SERPINA6: variants seen among roughly 807,000 people sequenced by gnomAD.
The protein encoded by SERPINA6 is serpin family A member 6.
A neutral mutation model predicts 26.4 loss-of-function variants in SERPINA6; 19 were observed. The ratio of observed to expected loss-of-function variants is 0.72; its 90% CI spans 0.50 to 1.06. The LOEUF (loss-of-function observed/expected upper bound fraction) is 1.06. Among genes scored for constraint, SERPINA6 ranks in the 50% least tolerant of loss-of-function variants. The pLI, the probability that SERPINA6 is intolerant of heterozygous loss-of-function variation, is 0.00. For synonymous variants in SERPINA6, 196 were observed against 199.4 expected, an observed-to-expected ratio of 0.98 and a Z score of 0.14; for missense variants, 473 against 504.0, an observed-to-expected ratio of 0.94 and a Z score of 0.59.
intron 1 of SERPINA6, among the ~76,000 whole-genome samples, chr14:94,322,891 T>C (rs1044339169): frequency 4.6e-5 from 7 of 152,228 alleles, no homozygotes; most frequent in Non-Finnish European, 8.8e-5. Context: ...TCATCGGTGG[T>C]GCCGACTGGA....
chr14:94,309,792 G>C lies in SERPINA6; in HGVS notation c.828C>G (p.Val276=). Residue 276 remains valine, a synonymous_variant, in exon 3 of 5, where the codon GTC becomes GTG. Transcript: ENST00000341584. ...TCGTGTCCCGGCTCAGTGCAGCGAT[G>C]ACTGTGTTCATCTTCCCCTTGTCCG... ...ILPDKGKMNT[V]IAALSRDTIN... 1.2e-6 allele frequency: 2 copies of C among 1,614,198 alleles called. No homozygotes were observed. Among genetic ancestry groups the C allele is most frequent in the Non-Finnish European group, 1.7e-6 (2 of 1,180,040 alleles).
chr14:94,314,748 G>T (rs1895589496), intron 1 of SERPINA6, 81 bp from the exon 2 acceptor site: 2 of 1,377,700 alleles, frequency 1.5e-6, no homozygotes, highest in East Asian at 2.3e-5. Flanking sequence ...GCAGGCAAAA[G>T]ACCCCATTCA....
At chr14:94,311,273 C>T (rs1263729903) in intron 2 of SERPINA6, among the ~76,000 whole-genome samples, 1 of 152,148 alleles carries the variant, frequency 6.6e-6, no homozygotes, top group African/African-American at 2.4e-5. Context: ...AATCATCCTC[C>T]AAAGGAGGTC....
chr14:94,317,960 A>G (rs1292887731), intron 1 of SERPINA6, among the ~76,000 whole-genome samples: 1 of 152,242 alleles, frequency 6.6e-6, no homozygotes, highest in African/African-American at 2.4e-5. Flanking sequence ...TAAAAATTCT[A>G]TAGAACTCAT....
At position 94,304,524 on chromosome 14, in the gene SERPINA6, G is replaced by A. The variant is rs201893200; in HGVS notation, c.1112C>T (p.Thr371Met). The A allele has an allele frequency of 1.7e-5, 28 of 1,614,170 alleles. No individual in the cohort carries two copies. The Middle Eastern group carries it at 4.9e-4, about 29-fold the overall frequency. Residue 371 changes from threonine to methionine, a missense_variant, in exon 5 of 5, where the codon ACG (threonine) becomes ATG (methionine). Thr to Met is a moderately conservative substitution (Grantham distance 81). Coordinates refer to ENST00000341584, the MANE Select transcript of SERPINA6 (RefSeq NM_001756.4). ...AGSTGVTLNL[T>M]SKPIILRFNQ... is the part of the protein sequence containing the mutation. Reference sequence around the variant, plus strand: ...GAAACGCAAGATGATAGGCTTGGACGTCAGGTTTAGGGTGACCCCAGTGGA... The same window carrying A: ...GAAACGCAAGATGATAGGCTTGGACATCAGGTTTAGGGTGACCCCAGTGGA...
intron 1 of SERPINA6, among the ~76,000 whole-genome samples, chr14:94,320,231 G>C (rs1895666057): frequency 6.6e-6 from 1 of 152,142 alleles, no homozygotes; most frequent in African/African-American, 2.4e-5. Context: ...TGCTCCAGGA[G>C]GTTGTGTTGT....
Position 94,311,223 on chromosome 14 carries a change from C to T in SERPINA6, c.614-1217G>A, listed in dbSNP as rs757077579. On this transcript the variant is annotated intron_variant, in intron 2 of 4. Coordinates refer to ENST00000341584, the MANE Select transcript of SERPINA6 (RefSeq NM_001756.4). The stretch of plus-strand genomic sequence containing the variant: ...GGCCAATGGTAGTAAACTCACCGTC[C>T]GTCTGTCTCACGGCAAATGAGATTA... Among the ~76,000 whole-genome samples the T allele has an allele frequency of 7.4e-4, 113 of 152,132 alleles. 1 individual carries two copies. Among genetic ancestry groups the T allele is most frequent in the Non-Finnish European group, 8.8e-4 (60 of 68,028 alleles).
intron 3 of SERPINA6, among the ~76,000 whole-genome samples, chr14:94,307,526 G>A (rs1895459403): frequency 6.6e-6 from 1 of 152,252 alleles, no homozygotes; most frequent in Non-Finnish European, 1.5e-5. Context: ...AAGAAAGATA[G>A]ATAGTCCTTC....
At chr14:94,323,090 C>G (rs1369174536) in intron 1 of SERPINA6, among the ~76,000 whole-genome samples, 177 bp downstream of exon 1, 1 of 152,196 alleles carries the variant, frequency 6.6e-6, no homozygotes, top group African/African-American at 2.4e-5. Context: ...CTCACAGACT[C>G]CGGGGTCTGG....
At chr14:94,321,704 C>T (rs1347579795) in intron 1 of SERPINA6, among the ~76,000 whole-genome samples, 2 of 152,248 alleles carry the variant, frequency 1.3e-5, no homozygotes, top group Non-Finnish European at 2.9e-5. Flanking sequence ...TCATCTGGCT[C>T]ACTCCATCTT....
intron 4 of SERPINA6, among the ~76,000 whole-genome samples, chr14:94,304,876 C>T (rs532733157): frequency 6.6e-6 from 1 of 152,236 alleles, no homozygotes; most frequent in South Asian, 2.1e-4. Flanking sequence ...TTGAACTGGG[C>T]TTCACTGTCC....
intron 2 of SERPINA6, among the ~76,000 whole-genome samples, chr14:94,312,752 G>A (rs1041900638): frequency 6.6e-6 from 1 of 152,128 alleles, no homozygotes; most frequent in Non-Finnish European, 1.5e-5. Context: ...GACTCGTAGA[G>A]ATGCTAAGGC....
intron 2 of SERPINA6, among the ~76,000 whole-genome samples, chr14:94,312,753 A>T (rs1488418617): frequency 6.6e-6 from 1 of 151,986 alleles, no homozygotes. Context: ...ACTCGTAGAG[A>T]TGCTAAGGCA....
At position 94,314,124 on chromosome 14, in the gene SERPINA6, C is replaced by G. The variant is rs775649161; in HGVS notation, c.525G>C (p.Lys175Asn). 6.2e-7 allele frequency: 1 copy of G among 1,614,222 alleles called. No individual in the cohort carries two copies. Among genetic ancestry groups the G allele is most frequent in the Non-Finnish European group, 8.5e-7 (1 of 1,180,042 alleles). The part of the protein sequence containing the change: ...TASRQINSYV[K>N]NKTQGKIVDL... ...CGACAATTTTCCCCTGTGTCTTATT[C>G]TTGACATAGCTGTTGATCTGTCTGC... Residue 175 changes from lysine to asparagine, a missense_variant, in exon 2 of 5, where the codon AAG becomes AAC. By Grantham distance (94) the Lys-to-Asn change is moderately conservative (BLOSUM62 0). Transcript: ENST00000341584.
At chr14:94,305,653 A>G (rs556884527) in intron 4 of SERPINA6, among the ~76,000 whole-genome samples, 3 of 152,376 alleles carry the variant, frequency 2.0e-5, no homozygotes, top group African/African-American at 7.2e-5. Context: ...CATGAATAAC[A>G]GAACATAAAG....
chr14:94,310,733 C>T (rs1253657412), intron 2 of SERPINA6, among the ~76,000 whole-genome samples: 1 of 152,198 alleles, frequency 6.6e-6, no homozygotes, highest in Non-Finnish European at 1.5e-5. Flanking sequence ...AGCAGGACCT[C>T]TTCTGTTCTT....
chr14:94,318,682 A>C (rs1197771760), intron 1 of SERPINA6, among the ~76,000 whole-genome samples: 1 of 152,200 alleles, frequency 6.6e-6, no homozygotes, highest in Non-Finnish European at 1.5e-5. Context: ...CAATGACCTA[A>C]AGATGAGTTA....
intron 1 of SERPINA6, among the ~76,000 whole-genome samples, chr14:94,320,192 G>T (rs1301010731): frequency 6.6e-6 from 1 of 152,156 alleles, no homozygotes; most frequent in African/African-American, 2.4e-5. Context: ...CATTCTGGGT[G>T]AGGGGCTGGG....
At chr14:94,307,687 C>A (rs1376640145) in intron 3 of SERPINA6, among the ~76,000 whole-genome samples, 6 of 152,190 alleles carry the variant, frequency 3.9e-5, no homozygotes, top group Non-Finnish European at 5.9e-5. Context: ...ATCGCCCAGA[C>A]ACAGGTTCAC....
Sources: gnomAD v4.1 joint callset for allele counts (sites outside exome capture counted in the v4.1 genomes callset) on GRCh38, gnomAD v4.1.1 for gene constraint, MANE v1.5 for transcripts, NCBI Gene and HGNC (gene_info 2026-07-23, HGNC 2026-07-21) for gene names.